Variants in DGKK observed in about 807,000 individuals in gnomAD.
The protein encoded by DGKK is 142 kDa diacylglycerol kinase.
In DGKK, 35 loss-of-function variants were observed where a neutral mutation model predicts 92.2. The observed-to-expected ratio is 0.38, with a 90% confidence interval of 0.29 to 0.50. DGKK has a LOEUF of 0.50. Among genes scored for constraint, DGKK ranks in the 20% least tolerant of loss-of-function variants. DGKK has a pLI of 0.92. For missense variants in DGKK, 910 were observed against 992.2 expected, an observed-to-expected ratio of 0.92 and a Z score of 1.11; for synonymous variants, 368 against 360.6, an observed-to-expected ratio of 1.02 and a Z score of -0.23.
chrX:50,403,468 G>A, intron 6 of DGKK, 23 bp downstream of exon 6: 1 of 1,171,428 alleles, frequency 8.5e-7, no homozygotes, highest in Admixed American at 2.2e-5. Context: ...GGCCGACTGT[G>A]GGAAGACATG....
chrX:50,468,095 G>A (rs1926955101), intron 1 of DGKK, among the ~76,000 whole-genome samples: 1 of 112,083 alleles, frequency 8.9e-6, no homozygotes, highest in African/African-American at 3.2e-5. Flanking sequence ...TGGGCACTAC[G>A]TAGAGGAAAC....
intron 1 of DGKK, among the ~76,000 whole-genome samples, chrX:50,434,446 T>C (rs1925966291): frequency 9.0e-6 from 1 of 111,518 alleles, no homozygotes; most frequent in African/African-American, 3.3e-5. Flanking sequence ...TTTACTTTAC[T>C]GTCTCTCCCC....
At chrX:50,439,682 G>T (rs1557231123) in intron 1 of DGKK, among the ~76,000 whole-genome samples, 1 of 110,848 alleles carries the variant, frequency 9.0e-6, no homozygotes, top group African/African-American at 3.3e-5. Context: ...CAGAGGTTAG[G>T]GTACTTTTGA....
chrX:50,425,917 C>CT (rs1665175850), intron 1 of DGKK, among the ~76,000 whole-genome samples: 1 of 111,731 alleles, frequency 9.0e-6, no homozygotes, highest in Non-Finnish European at 1.9e-5. Context: ...GCCAGGTGGC[C>CT]TAAAGTACAG....
chrX:50,409,667 A>C (rs1301273441), intron 4 of DGKK, among the ~76,000 whole-genome samples: 1 of 111,995 alleles, frequency 8.9e-6, no homozygotes, highest in African/African-American at 3.2e-5. Flanking sequence ...TCTGTAAAAT[A>C]CTTAGGTGAA....
At chrX:50,379,758 T>C (rs1924367853) in intron 19 of DGKK, 24 bp from the exon 20 acceptor site, 1 of 1,143,562 alleles carries the variant, frequency 8.7e-7, no homozygotes, top group African/African-American at 1.8e-5. Context: ...GTAGCTCTCA[T>C]TAGCTGGATC....
intron 8 of DGKK, among the ~76,000 whole-genome samples, chrX:50,396,682 A>G: frequency 9.0e-6 from 1 of 111,185 alleles, no homozygotes; most frequent in South Asian, 3.9e-4. Flanking sequence ...GGGCAGCTCC[A>G]TCTAGTATTT....
chrX:50,381,666 C>A (rs1924418841), intron 18 of DGKK, among the ~76,000 whole-genome samples: 1 of 111,021 alleles, frequency 9.0e-6, no homozygotes. Context: ...AACTTAGGAG[C>A]AAATTTTTAA....
intron 4 of DGKK, among the ~76,000 whole-genome samples, chrX:50,411,087 C>G (rs781950349): frequency 4.0e-4 from 45 of 111,221 alleles, no homozygotes; most frequent in Non-Finnish European, 9.4e-5. Context: ...CCCTAGCTAG[C>G]TTCTTCAGAC....
chrX:50,374,073 T>A lies in DGKK; in HGVS notation c.3501+898A>T, dbSNP rs782181740. On this transcript the variant is annotated intron_variant, in intron 25 of 27. Coordinates refer to ENST00000611977, the MANE Select transcript of DGKK (RefSeq NM_001013742.4). ...GAGAGGTGAAGTCACACAGCTAGTG[T>A]TATGGGTTGAATTGTGTCCCCCCAG... Among the ~76,000 whole-genome samples, 190 of 112,006 alleles carry A rather than the reference T, an allele frequency of 1.7e-3. 2 individuals are homozygous for A. The highest frequency in any genetic ancestry group is 5.7e-3 in the African/African-American group (176 of 30,796).
In DGKK at chrX:50,371,723, C is replaced by A; in HGVS notation, c.3612+1G>T. ...ATTTCCCAATTCCCAAGATTACGCA[C>A]CTCTGGAACAAAGATTGGATTCATC... is the stretch of plus-strand genomic sequence containing the variant. On this transcript the variant is annotated splice_donor_variant, in intron 26 of 27. Coordinates refer to ENST00000611977, the MANE Select transcript of DGKK (RefSeq NM_001013742.4). LOFTEE classifies it high-confidence loss of function. 1.7e-6 allele frequency: 2 copies of A among 1,183,489 alleles called. No individual in the cohort carries two copies. Among genetic ancestry groups the A allele is most frequent in the Non-Finnish European group, 2.3e-6 (2 of 872,321 alleles).
chrX:50,390,990 G>T (rs782628495), intron 11 of DGKK, among the ~76,000 whole-genome samples: 58 of 111,935 alleles, frequency 5.2e-4, no homozygotes, highest in African/African-American at 1.7e-3. Context: ...CCCCAAGAGA[G>T]AATATGCTTA....
intron 6 of DGKK, 63 bp from the exon 7 acceptor site, chrX:50,403,246 C>A: frequency 8.9e-7 from 1 of 1,125,895 alleles, no homozygotes; most frequent in Non-Finnish European, 1.2e-6. Flanking sequence ...GAAGGGCCAA[C>A]TGGAATAATT....
At chrX:50,379,031 C>G (rs1557224143) in intron 20 of DGKK, among the ~76,000 whole-genome samples, 1 of 111,988 alleles carries the variant, frequency 8.9e-6, no homozygotes, top group East Asian at 2.8e-4. Flanking sequence ...AAGAGCATGG[C>G]CTTGGCCGGG....
rs782469478 is a variant in DGKK at position 50,393,133 on chromosome X, C to G, written c.1595+19G>C. 50 of 1,180,154 alleles carry G rather than the reference C, an allele frequency of 4.2e-5. No homozygotes were observed. The highest frequency in any genetic ancestry group is 5.7e-6 in the Non-Finnish European group (5 of 872,111). On this transcript the variant is annotated intron_variant, in intron 9 of 27. Coordinates refer to ENST00000611977, the MANE Select transcript of DGKK (RefSeq NM_001013742.4). ...GACTCCCTTACATACCCAATCATAT[C>G]CATGGGATACAGGCTTACCCTGCTT...
chrX:50,423,298 T>C (rs950426151), intron 2 of DGKK, among the ~76,000 whole-genome samples: 5 of 111,535 alleles, frequency 4.5e-5, no homozygotes, highest in Non-Finnish European at 9.4e-5. Context: ...AGTGGACCCA[T>C]GATAAGTGGG....
chrX:50,382,093 A>G (rs1473457197), intron 18 of DGKK, among the ~76,000 whole-genome samples: 1 of 112,452 alleles, frequency 8.9e-6, no homozygotes, highest in Admixed American at 9.4e-5. Flanking sequence ...TAGGAACACC[A>G]AAAACAAATA....
chrX:50,375,099 CAG>C (rs782313755), intron 24 of DGKK, 42 bp from the exon 25 acceptor site: 22 of 1,067,380 alleles, frequency 2.1e-5, no homozygotes, highest in Middle Eastern at 2.5e-4. Context: ...AAGACAAAGA[CAG>C]GGGAGTTGTT....
chrX:50,378,379 T>G, intron 21 of DGKK, 147 bp from the exon 22 acceptor site: 1 of 908,351 alleles, frequency 1.1e-6, no homozygotes. Flanking sequence ...AAGAAATGCC[T>G]GTTTCCTATG....
Sources: allele counts gnomAD v4.1 joint callset (sites outside exome capture counted in the v4.1 genomes callset), GRCh38; gene constraint gnomAD v4.1.1; transcripts MANE v1.5; gene names NCBI Gene and HGNC (gene_info 2026-07-23, HGNC 2026-07-21).